POU6F2: variants seen among roughly 807,000 people sequenced by gnomAD.
The protein encoded by POU6F2 is POU class 6 homeobox 2, also known as POU domain, class 6, transcription factor 2.
POU6F2 carries 31 observed loss-of-function variants against 71.3 expected under a neutral mutation model. The observed-to-expected ratio is 0.43, with a 90% CI of 0.33 to 0.59. The LOEUF is 0.59. Ranked by LOEUF, POU6F2 falls within the 20% of genes least tolerant of loss-of-function variation. The pLI, the probability that POU6F2 is intolerant of heterozygous loss-of-function variation, is 0.04. For missense variants in POU6F2, 783 were observed against 856.8 expected, an observed-to-expected ratio of 0.91 and a Z score of 1.07; for synonymous variants, 347 against 355.7, an observed-to-expected ratio of 0.98 and a Z score of 0.27.
chr7:38,979,679 C>A (rs1235592837), intron 1 of POU6F2, among the ~76,000 whole-genome samples: 1 of 151,860 alleles, frequency 6.6e-6, no homozygotes. Flanking sequence ...ATATCTGTTA[C>A]AATAGATGAC....
chr7:39,364,163 G>T (rs756634014), intron 5 of POU6F2, among the ~76,000 whole-genome samples: 1 of 152,104 alleles, frequency 6.6e-6, no homozygotes, highest in Non-Finnish European at 1.5e-5. Flanking sequence ...GCTCAGCATT[G>T]TCATCCACAG....
intron 5 of POU6F2, among the ~76,000 whole-genome samples, chr7:39,389,114 C>T (rs1008805044): frequency 1.3e-5 from 2 of 152,146 alleles, no homozygotes; most frequent in Non-Finnish European, 2.9e-5. Flanking sequence ...ATAAGAAACA[C>T]AAGTAGTGTC....
intron 1 of POU6F2, among the ~76,000 whole-genome samples, chr7:39,041,191 G>A (rs928505746): frequency 9.9e-5 from 15 of 151,926 alleles, no homozygotes; most frequent in Non-Finnish European, 1.5e-4. Context: ...AGCTTTATCT[G>A]ATTTTTTTTA....
intron 2 of POU6F2, among the ~76,000 whole-genome samples, chr7:39,173,892 T>G (rs547335978): frequency 6.6e-6 from 1 of 152,346 alleles, no homozygotes; most frequent in East Asian, 1.9e-4. Flanking sequence ...CATGGTAGTT[T>G]GCAAGGGTTA....
At chr7:39,012,162 A>C (rs1270485822) in intron 1 of POU6F2, among the ~76,000 whole-genome samples, 2 of 151,780 alleles carry the variant, frequency 1.3e-5, no homozygotes, top group Non-Finnish European at 1.5e-5. Flanking sequence ...CAGGTACACC[A>C]ATCAGACGTA....
intron 1 of POU6F2, among the ~76,000 whole-genome samples, chr7:39,081,341 G>A (rs560049138): frequency 5.9e-5 from 9 of 152,304 alleles, no homozygotes; most frequent in African/African-American, 2.2e-4. Context: ...ATAAGGCAAA[G>A]ACCTCCCATG....
chr7:39,079,949 G>T (rs924749069), intron 1 of POU6F2, among the ~76,000 whole-genome samples: 4 of 152,126 alleles, frequency 2.6e-5, no homozygotes, highest in African/African-American at 9.7e-5. Flanking sequence ...ATTTTTGTTT[G>T]CAGCCCAAAA....
intron 5 of POU6F2, among the ~76,000 whole-genome samples, chr7:39,381,080 CAG>C (rs1786818402): frequency 6.6e-6 from 1 of 151,098 alleles, no homozygotes; most frequent in African/African-American, 2.4e-5. Flanking sequence ...GTTTTTGAGA[CAG>C]AGTCTCACTC....
At chr7:39,263,673 GCACA>G (rs78436988) in intron 4 of POU6F2, among the ~76,000 whole-genome samples, 78,472 of 149,560 alleles carry the variant, frequency 0.52, 21,004 homozygotes, top group Admixed American at 0.66. Flanking sequence ...GCACACACAC[GCACA>G]CACACACACA....
intron 2 of POU6F2, among the ~76,000 whole-genome samples, chr7:39,103,895 A>G (rs150554300): frequency 6.4e-4 from 98 of 152,318 alleles, no homozygotes; most frequent in Non-Finnish European, 9.3e-4. Context: ...ATCATGGACA[A>G]ATATACAGAG....
intron 5 of POU6F2, among the ~76,000 whole-genome samples, chr7:39,376,509 T>C (rs1786713466): frequency 6.6e-6 from 1 of 152,148 alleles, no homozygotes. Context: ...GTGCTGTGCT[T>C]GGTGCTGAAA....
intron 5 of POU6F2, among the ~76,000 whole-genome samples, chr7:39,382,794 G>A (rs1022175197): frequency 3.3e-5 from 5 of 152,112 alleles, no homozygotes; most frequent in South Asian, 2.1e-4. Flanking sequence ...TTTATCTGAC[G>A]GGCAAAGCTC....
rs765316581 is a variant in POU6F2, at chr7:39,406,722, T to A, written c.1095T>A (p.Val365=). The part of the protein sequence containing the change: ...SSLQGVTGQL[V]TNAQGQIIGT... Reference sequence around the variant, plus strand: ...TTCAGGGGGTCACAGGTCAACTAGTTACTAATGCACAAGGACAGGTGAGTG... The same window carrying A: ...TTCAGGGGGTCACAGGTCAACTAGTAACTAATGCACAAGGACAGGTGAGTG... The change falls in exon 6 of 10, where the codon GTT becomes GTA. Residue 365 remains valine, a synonymous_variant. Transcript: ENST00000518318. 6 of 1,613,502 alleles carry A rather than the reference T, an allele frequency of 3.7e-6. No homozygotes were observed. Among genetic ancestry groups the A allele is most frequent in the African/African-American group, 1.3e-5 (1 of 74,890 alleles).
chr7:39,210,786 C>A (rs1212999859), intron 4 of POU6F2, among the ~76,000 whole-genome samples: 5 of 152,084 alleles, frequency 3.3e-5, no homozygotes, highest in Admixed American at 2.6e-4. Context: ...TTTAAAAGAT[C>A]CCCAGATAAT....
intron 6 of POU6F2, among the ~76,000 whole-genome samples, chr7:39,429,016 T>C (rs1420967087): frequency 1.3e-5 from 2 of 148,872 alleles, no homozygotes; most frequent in Non-Finnish European, 1.5e-5. Flanking sequence ...CTAATGTAAA[T>C]GATGAGTTAA....
At chr7:39,155,438 A>G (rs927086108) in intron 2 of POU6F2, among the ~76,000 whole-genome samples, 1 of 152,172 alleles carries the variant, frequency 6.6e-6, no homozygotes, top group African/African-American at 2.4e-5. Flanking sequence ...AAGTGGTTTT[A>G]TTTTTGGGAA....
rs1376230450 is a variant in POU6F2, at chr7:39,468,265, A to T, written c.*3579A>T. ...GGGTCACTTATGAGGCACCACAAAG[A>T]GATCTGCTTCTCCGTGCCCGGAGCA... On this transcript the variant is annotated 3_prime_UTR_variant, in exon 10 of 10. Coordinates refer to ENST00000518318, the MANE Select transcript of POU6F2 (RefSeq NM_001370959.1). The T allele has an allele frequency of 6.6e-6, 1 of 151,892 alleles. No individual in the cohort carries two copies. The highest frequency in any genetic ancestry group is 1.5e-5 in the Non-Finnish European group (1 of 67,996). The allele number at this position is 151,892 out of a possible 1,614,324, so 9.4% of individuals were successfully genotyped here.
At chr7:39,105,703 G>A (rs892061173) in intron 2 of POU6F2, among the ~76,000 whole-genome samples, 1 of 152,210 alleles carries the variant, frequency 6.6e-6, no homozygotes, top group Non-Finnish European at 1.5e-5. Flanking sequence ...AAACTAAAAT[G>A]TGCTTAATTG....
At chr7:39,063,284 G>C (rs1478522783) in intron 1 of POU6F2, among the ~76,000 whole-genome samples, 1 of 152,170 alleles carries the variant, frequency 6.6e-6, no homozygotes, top group Non-Finnish European at 1.5e-5. Context: ...CAAGGCAGGA[G>C]GATTACTTGA....
Sources: allele counts gnomAD v4.1 joint callset (sites outside exome capture counted in the v4.1 genomes callset), GRCh38; gene constraint gnomAD v4.1.1; transcripts MANE v1.5; gene names NCBI Gene and HGNC (gene_info 2026-07-23, HGNC 2026-07-21).